The following NEB variants were observed in gnomAD, a reference collection of about 807,000 sequenced individuals.
NEB encodes nebulin.
NEB carries 512 observed loss-of-function variants against 952.2 expected under a neutral mutation model. The ratio of observed to expected loss-of-function variants is 0.54; its 90% CI spans 0.50 to 0.58. The LOEUF (loss-of-function observed/expected upper bound fraction) is 0.58. Among genes scored for constraint, NEB ranks in the 20% least tolerant of loss-of-function variants. The pLI is 0.00. For missense variants in NEB, 8,428 were observed against 9,231.1 expected (o/e 0.91, Z 3.56); for synonymous variants, 2,900 against 3,149.8 (o/e 0.92, Z 2.66).
chr2:151,615,905 T>C, intron 76 of NEB, 97 bp downstream of exon 76: 1 of 898,240 alleles, frequency 1.1e-6, no homozygotes, highest in Non-Finnish European at 1.7e-6. Context: ...AATTGAGACT[T>C]ATAGGGGTAA....
At position 151,697,429 on chromosome 2, in the gene NEB, T is replaced by C; in HGVS notation, c.1286A>G (p.Asp429Gly). 2 of 1,613,838 alleles carry C rather than the reference T, an allele frequency of 1.2e-6. No homozygotes were observed. The highest frequency in any genetic ancestry group is 1.7e-6 in the Non-Finnish European group (2 of 1,179,778). ...DKKYKDSYLK[D>G]ILGHYVGSFE... is the part of the protein sequence containing the mutation. ...GCTGCCTACATAATGTCCCAAAATATCTTTTAAGTAGGAATCTTTATATTT... is the reference window on the plus strand; with the variant it reads ...GCTGCCTACATAATGTCCCAAAATACCTTTTAAGTAGGAATCTTTATATTT... The change falls in exon 15 of 182, where the codon GAT (aspartate) becomes GGT (glycine). Residue 429 changes from aspartate to glycine, a missense_variant. Physicochemically the swap from Asp to Gly is moderately conservative, Grantham distance 94. Transcript: ENST00000397345.
intron 3 of NEB, among the ~76,000 whole-genome samples, chr2:151,730,911 T>C (rs1336557259): frequency 6.6e-6 from 1 of 152,212 alleles, no homozygotes; most frequent in Non-Finnish European, 1.5e-5. Flanking sequence ...TCTGCCTGTA[T>C]GTCGTTACAC....
chr2:151,545,894 C>T lies in NEB; in HGVS notation c.20571G>A (p.Leu6857=). The T allele has an allele frequency of 6.3e-7, 1 of 1,592,776 alleles. No homozygotes were observed. The highest frequency in any genetic ancestry group is 8.6e-7 in the Non-Finnish European group (1 of 1,164,022). The change falls in exon 135 of 182, where the codon CTG becomes CTA. Residue 6857 remains leucine, a synonymous_variant. Coordinates refer to ENST00000397345, the MANE Select transcript of NEB (RefSeq NM_001164508.2). ...ACAAGTAAAGCGTCCTTACCTCACT[C>T]AGATGTGTCTTCAGTTCTTGCACTT... is the stretch of plus-strand genomic sequence containing the variant. ...YRKVQELKTH[L]SELVYRAAGK...
intron 75 of NEB, among the ~76,000 whole-genome samples, chr2:151,616,499 G>T (rs2098201079): frequency 6.6e-6 from 1 of 152,126 alleles, no homozygotes; most frequent in South Asian, 2.1e-4. Context: ...GAAGAGACCA[G>T]CCTGGCCAAC....
At chr2:151,698,601 C>G (rs1274042537) in intron 13 of NEB, among the ~76,000 whole-genome samples, 1 of 151,204 alleles carries the variant, frequency 6.6e-6, no homozygotes. Context: ...TTTCAAGCTT[C>G]ATCCTTGTTG....
chr2:151,609,411 A>G (rs868126349), intron 81 of NEB, among the ~76,000 whole-genome samples: 37 of 152,162 alleles, frequency 2.4e-4, no homozygotes, highest in Admixed American at 6.6e-4. Context: ...ATAATAATAT[A>G]TATAGTAATA....
At chr2:151,727,289 C>T (rs946246249) in intron 5 of NEB, among the ~76,000 whole-genome samples, 1 of 152,004 alleles carries the variant, frequency 6.6e-6, no homozygotes, top group Non-Finnish European at 1.5e-5. Context: ...CTTTACATAC[C>T]TTTTTATATG....
At position 151,551,678 on chromosome 2, in the gene NEB, C is replaced by G; in HGVS notation, c.19944+60G>C. The G allele has an allele frequency of 2.2e-5, 29 of 1,334,210 alleles. 2 individuals carry two copies. In the South Asian group the frequency reaches 3.5e-4, roughly 16 times the overall value. 82.6% of individuals were successfully genotyped at this position (1,334,210 alleles called of 1,614,324 possible). A position where few individuals can be genotyped will look rare whatever the true frequency, so the allele number is the denominator to read the frequency against. ...GTCAAGAGGAAGCAAGCTCAGCTTGCTTCCACAGAGGCTGATGGAACGGAT... is the reference window on the plus strand; with the variant it reads ...GTCAAGAGGAAGCAAGCTCAGCTTGGTTCCACAGAGGCTGATGGAACGGAT... On this transcript the variant is annotated intron_variant, in intron 129 of 181. Coordinates refer to ENST00000397345, the MANE Select transcript of NEB (RefSeq NM_001164508.2).
At chr2:151,619,899 T>C (rs1439262103) in intron 72 of NEB, 137 bp from the exon 73 acceptor site, 1 of 863,046 alleles carries the variant, frequency 1.2e-6, no homozygotes, top group Non-Finnish European at 1.7e-6. Context: ...ACGCCACATA[T>C]TGGACTGTTG....
chr2:151,704,500 G>T (rs543882211), intron 13 of NEB, among the ~76,000 whole-genome samples: 29 of 151,768 alleles, frequency 1.9e-4, no homozygotes, highest in Admixed American at 5.2e-4. Context: ...TGCTGTGCTA[G>T]CAATCAGCGA....
At chr2:151,639,172 A>G in intron 63 of NEB, 108 bp downstream of exon 63, 1 of 856,780 alleles carries the variant, frequency 1.2e-6, no homozygotes, top group Non-Finnish European at 1.8e-6. Context: ...TATTCACATG[A>G]AACATGAAAA....
Position 151,519,744 on chromosome 2 carries a change from T to C in NEB, c.22504A>G (p.Lys7502Glu), listed in dbSNP as rs376495046. The C allele has an allele frequency of 5.0e-6, 8 of 1,612,330 alleles. No individual in the cohort carries two copies. The East Asian group carries it at 6.7e-5, about 13-fold the overall frequency. The change falls in exon 154 of 182, where the codon AAA becomes GAA. Residue 7502 changes from lysine to glutamate, a missense_variant. Transcript: ENST00000397345. ...TATTTTGGTGTCTTGCCCTTTTCTTTATCGAAATTTTCTCGGTATTTAACC... is the reference window on the plus strand; with the variant it reads ...TATTTTGGTGTCTTGCCCTTTTCTTCATCGAAATTTTCTCGGTATTTAACC... ...SQVKYRENFD[K>E]EKGKTPKYNP...
At chr2:151,515,282 CTT>C (rs969044500) in intron 157 of NEB, among the ~76,000 whole-genome samples, 3 of 152,138 alleles carry the variant, frequency 2.0e-5, no homozygotes, top group Admixed American at 6.5e-5. Context: ...TGACAAAAGA[CTT>C]TATTTCAGAA....
chr2:151,621,121 T>G, intron 71 of NEB, 95 bp from the exon 72 acceptor site: 1 of 811,074 alleles, frequency 1.2e-6, no homozygotes, highest in Non-Finnish European at 2.1e-6. Context: ...GATGCAAAAC[T>G]ACATGAGTAT....
chr2:151,569,325 C>A lies in NEB; in HGVS notation c.17478G>T (p.Met5826Ile). Residue 5826 changes from methionine to isoleucine, a missense_variant, in exon 110 of 182, where the codon ATG (methionine) becomes ATT (isoleucine). Coordinates refer to ENST00000397345, the MANE Select transcript of NEB (RefSeq NM_001164508.2). ...GATTGACGGACACGGAGTCATTTGG[C>A]ATCCACCCAATTCCACGCAACCATT... ...DLEWLRGIGW[M>I]PNDSVSVNHA... 6.2e-7 allele frequency: 1 copy of A among 1,613,924 alleles called. No individual in the cohort carries two copies. Among genetic ancestry groups the A allele is most frequent in the South Asian group, 1.1e-5 (1 of 91,082 alleles).
chr2:151,631,349 G>A lies in NEB; in HGVS notation c.9415-3C>T. 6.2e-7 allele frequency: 1 copy of A among 1,607,092 alleles called. No individual in the cohort carries two copies. On this transcript the variant is annotated splice_region_variant and splice_polypyrimidine_tract_variant and intron_variant, in intron 65 of 181. Coordinates refer to ENST00000397345, the MANE Select transcript of NEB (RefSeq NM_001164508.2). ...TGGAGATCTGACTTGTAAATATTCT[G>A]AGCAGAGGAAAAAAGTCAAAAACTC...
At chr2:151,696,614 C>T in intron 17 of NEB, 23 bp downstream of exon 17, 2 of 1,561,824 alleles carry the variant, frequency 1.3e-6, no homozygotes, top group Non-Finnish European at 1.8e-6. Flanking sequence ...AATTGGGTGT[C>T]CTGAGTAGTT....
intron 107 of NEB, among the ~76,000 whole-genome samples, chr2:151,570,934 CACATGAGGATA>C (rs1199169028): frequency 6.6e-6 from 1 of 152,140 alleles, no homozygotes; most frequent in Non-Finnish European, 1.5e-5. Context: ...GGGTAATAGT[CACATGAGGATA>C]ACTGGGTATC....
rs762272453 is a variant in NEB at position 151,642,641 on chromosome 2, C to T, written c.8306G>A (p.Gly2769Asp). ...AATGGCATCTACCCGCATGTCATAA[C>T]CTTTCCTCTTGGCTTCTTCTAGGCC... is the stretch of plus-strand genomic sequence containing the variant. Reference protein sequence around the residue: ...KLGLEEAKRKGYDMRVDAIPI... With the variant: ...KLGLEEAKRKDYDMRVDAIPI... The change falls in exon 60 of 182, where the codon GGT becomes GAT. Residue 2769 changes from glycine (G) to aspartate (D), a missense_variant. This residue lies in a region of NEB where 1,772 missense variants were observed against 1,960.3 expected (regional missense o/e 0.90). Coordinates refer to ENST00000397345, the MANE Select transcript of NEB (RefSeq NM_001164508.2). The T allele has an allele frequency of 1.2e-6, 2 of 1,613,932 alleles. No homozygotes were observed. Among genetic ancestry groups the T allele is most frequent in the Non-Finnish European group, 1.7e-6 (2 of 1,179,854 alleles).
Sources: allele counts gnomAD v4.1 joint callset (sites outside exome capture counted in the v4.1 genomes callset), GRCh38; gene constraint gnomAD v4.1.1; regional missense constraint gnomAD v4.1.1; transcripts MANE v1.5; gene names NCBI Gene and HGNC (gene_info 2026-07-23, HGNC 2026-07-21).